The following ASXL1 variants were observed in gnomAD, a reference collection of about 807,000 sequenced individuals.
The protein encoded by ASXL1 is ASXL transcriptional regulator 1.
A neutral mutation model predicts 89.1 loss-of-function variants in ASXL1; 65 were observed. That is an observed-to-expected ratio of 0.73 (90% CI 0.60 to 0.90). The LOEUF is 0.90. Among genes scored for constraint, ASXL1 ranks in the 40% least tolerant of loss-of-function variants. The probability of loss-of-function intolerance (pLI) is 0.00; values close to 1 mark genes in which losing one functional copy is unlikely to be tolerated. For synonymous variants in ASXL1, 739 were observed against 746.9 expected (o/e 0.99, Z 0.17); for missense variants, 1,786 against 1,942.9 (o/e 0.92, Z 1.52).
At chr20:32,408,733 T>A (rs577889817) in intron 4 of ASXL1, among the ~76,000 whole-genome samples, 1 of 152,192 alleles carries the variant, frequency 6.6e-6, no homozygotes, top group South Asian at 2.1e-4. Flanking sequence ...TGCATTTTCA[T>A]ATAAATTTTA....
In ASXL1 at chr20:32,436,285, T is replaced by C. The variant is rs755831609; in HGVS notation, c.3573T>C (p.Ile1191=). 22 of 1,614,114 alleles carry C rather than the reference T, an allele frequency of 1.4e-5. No homozygotes were observed. The African/African-American group carries it at 2.3e-4, about 17-fold the overall frequency. Residue 1191 remains isoleucine (I), a synonymous_variant, in exon 13 of 13, where the codon ATT becomes ATC. Coordinates refer to ENST00000375687, the MANE Select transcript of ASXL1 (RefSeq NM_015338.6). ...AAACAGGCACTGGTCTTGCCAGGAT[T>C]GAGGCCACCCAGGCTCCTGGAGCAC... ...SCETGTGLAR[I]EATQAPGAPQ... is the part of the protein sequence containing the mutation.
At chr20:32,426,819 A>G (rs974240657) in intron 4 of ASXL1, among the ~76,000 whole-genome samples, 7 of 151,806 alleles carry the variant, frequency 4.6e-5, no homozygotes, top group Non-Finnish European at 1.0e-4. Context: ...CAGCCTCCCA[A>G]AGTGCTGGGA....
At chr20:32,405,023 GTTT>G (rs1480611108) in intron 4 of ASXL1, among the ~76,000 whole-genome samples, 4 of 152,090 alleles carry the variant, frequency 2.6e-5, no homozygotes, top group Non-Finnish European at 5.9e-5. Context: ...TTTAAAAAAA[GTTT>G]TTATTTTGTA....
At chr20:32,369,308 G>T (rs1463902342) in intron 4 of ASXL1, among the ~76,000 whole-genome samples, 185 bp downstream of exon 4, 1 of 152,108 alleles carries the variant, frequency 6.6e-6, no homozygotes, top group Non-Finnish European at 1.5e-5. Flanking sequence ...GTGCAATGGG[G>T]CGAGATCTCG....
intron 4 of ASXL1, among the ~76,000 whole-genome samples, chr20:32,394,493 A>G (rs914087867): frequency 6.6e-6 from 1 of 152,050 alleles, no homozygotes; most frequent in African/African-American, 2.4e-5. Context: ...GCTCATTAGT[A>G]CTTTGTTATT....
chr20:32,402,238 A>G (rs1600529548), intron 4 of ASXL1, among the ~76,000 whole-genome samples: 1 of 152,136 alleles, frequency 6.6e-6, no homozygotes, highest in East Asian at 1.9e-4. Context: ...CCCCTAAATT[A>G]CAAACAGAGA....
intron 4 of ASXL1, chr20:32,371,644 G>T: frequency 4.3e-6 from 1 of 231,632 alleles, no homozygotes; most frequent in South Asian, 4.8e-5. Context: ...TCACACTGTT[G>T]TCCACAGCTG....
At chr20:32,378,907 C>T (rs570152019) in intron 4 of ASXL1, among the ~76,000 whole-genome samples, 50 of 151,932 alleles carry the variant, frequency 3.3e-4, no homozygotes, top group African/African-American at 1.2e-3. Flanking sequence ...GCGGGCGGAT[C>T]ACCTGAGGTC....
At position 32,434,145 on chromosome 20, in the gene ASXL1, G is replaced by C. The variant is rs1166908981; in HGVS notation, c.1719+228G>C. 9.5e-6 allele frequency: 7 copies of C among 740,086 alleles called. No individual in the cohort carries two copies. In the Admixed American group the frequency reaches 1.8e-4, roughly 19 times the overall value. 45.8% of individuals were successfully genotyped at this position (740,086 alleles called of 1,614,324 possible). A position where few individuals can be genotyped will look rare whatever the true frequency, so the allele number is the denominator to read the frequency against. ...TATCTTGAGAGGTCAAAATCCTTTG[G>C]GGTTTTAAAATCTTTTTAAGATAGC... On this transcript the variant is annotated intron_variant, in intron 12 of 12. Transcript: ENST00000375687.
At chr20:32,369,382 G>T (rs1480996632) in intron 4 of ASXL1, among the ~76,000 whole-genome samples, 1 of 151,974 alleles carries the variant, frequency 6.6e-6, no homozygotes, top group Middle Eastern at 3.2e-3. Context: ...CCAAGTAGCT[G>T]GGACTACAGG....
At chr20:32,375,684 G>GTTTT (rs199575629) in intron 4 of ASXL1, among the ~76,000 whole-genome samples, 1 of 145,960 alleles carries the variant, frequency 6.9e-6, no homozygotes. Flanking sequence ...TTTTTGTTTT[G>GTTTT]TTTTGTTTTG....
chr20:32,368,286 C>G (rs533125487), intron 3 of ASXL1, among the ~76,000 whole-genome samples: 22 of 152,236 alleles, frequency 1.4e-4, no homozygotes, highest in Non-Finnish European at 2.4e-4. Context: ...AAGTAGCATC[C>G]TTTGCACTGA....
intron 4 of ASXL1, among the ~76,000 whole-genome samples, chr20:32,425,152 A>G (rs2011239194): frequency 6.6e-6 from 1 of 152,130 alleles, no homozygotes; most frequent in African/African-American, 2.4e-5. Flanking sequence ...TTCATTCACT[A>G]TTTTGTTTTT....
At position 32,436,382 on chromosome 20, in the gene ASXL1, A is replaced by G; in HGVS notation, c.3670A>G (p.Arg1224Gly). Residue 1224 changes from arginine to glycine, a missense_variant, in exon 13 of 13, where the codon AGG becomes GGG. Physicochemically the swap from Arg to Gly is moderately radical, Grantham distance 125 (BLOSUM62 -2). This residue lies in a region of ASXL1 where 1,418 missense variants were observed against 1,427.8 expected (regional missense o/e 0.99). Coordinates refer to ENST00000375687, the MANE Select transcript of ASXL1 (RefSeq NM_015338.6). ...AGTGACAAATCCCATTACATCCTCTAGGAAACTGGAAGAAATGGATTCCAA... is the reference window on the plus strand; with the variant it reads ...AGTGACAAATCCCATTACATCCTCTGGGAAACTGGAAGAAATGGATTCCAA... ...HPVTNPITSSRKLEEMDSKEQ... is the reference protein window; with the variant it reads ...HPVTNPITSSGKLEEMDSKEQ... 1 of 1,613,736 alleles carries G rather than the reference A, an allele frequency of 6.2e-7. No individual in the cohort carries two copies.
intron 4 of ASXL1, among the ~76,000 whole-genome samples, chr20:32,392,360 G>A (rs1018387692): frequency 5.3e-5 from 8 of 149,998 alleles, no homozygotes; most frequent in South Asian, 2.1e-4. Context: ...TTGGCTCACC[G>A]CAGCCTCTGC....
At chr20:32,360,000 G>A (rs1295092583) in intron 1 of ASXL1, 9 of 582,742 alleles carry the variant, frequency 1.5e-5, no homozygotes, top group Non-Finnish European at 2.8e-5. Flanking sequence ...TTTTAATGAT[G>A]AGTGAAGCTC....
At chr20:32,426,865 T>G (rs2011325037) in intron 4 of ASXL1, among the ~76,000 whole-genome samples, 1 of 152,050 alleles carries the variant, frequency 6.6e-6, no homozygotes, top group African/African-American at 2.4e-5. Flanking sequence ...CCTGGCCTCT[T>G]TTTTATTAAT....
intron 2 of ASXL1, among the ~76,000 whole-genome samples, chr20:32,367,206 G>A (rs574534256): frequency 6.6e-5 from 10 of 152,148 alleles, no homozygotes; most frequent in South Asian, 2.1e-4. Flanking sequence ...GCAAAACCCC[G>A]TCTCTACTAA....
chr20:32,410,631 C>T (rs967109028), intron 4 of ASXL1, among the ~76,000 whole-genome samples: 5 of 152,150 alleles, frequency 3.3e-5, no homozygotes, highest in African/African-American at 7.2e-5. Flanking sequence ...GGTGAAACTT[C>T]GGGTAGAGGG....
Sources: allele counts gnomAD v4.1 joint callset (sites outside exome capture counted in the v4.1 genomes callset), GRCh38; gene constraint gnomAD v4.1.1; regional missense constraint gnomAD v4.1.1; transcripts MANE v1.5; gene names NCBI Gene and HGNC (gene_info 2026-07-23, HGNC 2026-07-21).